Variants in ARFGEF3 observed in about 807,000 individuals in gnomAD.
ARFGEF3 encodes brefeldin A-inhibited guanine nucleotide-exchange protein 3.
Under a neutral mutation model 221.7 loss-of-function variants are expected in ARFGEF3, and 96 were observed. The ratio of observed to expected loss-of-function variants is 0.43; its 90% CI spans 0.37 to 0.51. The LOEUF is 0.51. Ranked by LOEUF, ARFGEF3 falls within the 20% of genes least tolerant of loss-of-function variation. ARFGEF3 has a pLI of 0.00. For missense variants in ARFGEF3, 2,410 were observed against 2,789.9 expected, an observed-to-expected ratio of 0.86 and a Z score of 3.07; for synonymous variants, 1,145 against 1,126.8, an observed-to-expected ratio of 1.02 and a Z score of -0.32.
rs1776622859 is a variant in ARFGEF3, at chr6:138,162,036, C to A, written c.-51C>A. ...CAGCGGCGGCTTCCCCGGCCCGGCT[C>A]GCCCGCGCTTCTCTCCCTGTGGGCG... On this transcript the variant is annotated 5_prime_UTR_variant, in exon 1 of 34. Coordinates refer to ENST00000251691, the MANE Select transcript of ARFGEF3 (RefSeq NM_020340.5). The surrounding 1 kb of genome is among the most constrained non-coding windows in gnomAD (Gnocchi z 4.7). The A allele has an allele frequency of 7.1e-7, 1 of 1,407,010 alleles. No homozygotes were observed. Among genetic ancestry groups the A allele is most frequent in the African/African-American group, 1.5e-5 (1 of 66,750 alleles). The allele number at this position is 1,407,010 out of a possible 1,614,324, so 87.2% of individuals were successfully genotyped here.
intron 5 of ARFGEF3, 22 bp from the exon 6 acceptor site, chr6:138,238,487 T>C (rs1461509294): frequency 1.9e-6 from 3 of 1,609,954 alleles, no homozygotes; most frequent in Non-Finnish European, 2.5e-6. Flanking sequence ...ACATGTGTGT[T>C]GCTGTCTTAT....
At chr6:138,204,856 A>G (rs1401991785) in intron 2 of ARFGEF3, among the ~76,000 whole-genome samples, 2 of 152,168 alleles carry the variant, frequency 1.3e-5, no homozygotes, top group East Asian at 3.9e-4. Context: ...ATATCTTTCA[A>G]CTCAGCCAAA....
chr6:138,164,652 G>A (rs775420468), intron 1 of ARFGEF3, among the ~76,000 whole-genome samples: 3 of 152,114 alleles, frequency 2.0e-5, no homozygotes, highest in Non-Finnish European at 4.4e-5. Flanking sequence ...TATACAAAAC[G>A]GGATTTATTT....
chr6:138,166,857 C>T (rs967400742), intron 1 of ARFGEF3, among the ~76,000 whole-genome samples: 1 of 152,170 alleles, frequency 6.6e-6, no homozygotes, highest in African/African-American at 2.4e-5. Flanking sequence ...ATCCAACCAG[C>T]ACCCTTCTCT....
chr6:138,190,936 G>T (rs960719222), intron 2 of ARFGEF3, among the ~76,000 whole-genome samples: 1 of 152,120 alleles, frequency 6.6e-6, no homozygotes, highest in Non-Finnish European at 1.5e-5. Context: ...GTAGGCTTTT[G>T]TGTCCTATAA....
chr6:138,203,386 G>A (rs1777571184), intron 2 of ARFGEF3, among the ~76,000 whole-genome samples: 1 of 152,188 alleles, frequency 6.6e-6, no homozygotes, highest in Non-Finnish European at 1.5e-5. Context: ...GGGCAAGAAG[G>A]TTGTAGTGAA....
intron 12 of ARFGEF3, among the ~76,000 whole-genome samples, chr6:138,276,572 C>A (rs1053725184): frequency 8.6e-5 from 13 of 151,386 alleles, no homozygotes; most frequent in Admixed American, 8.5e-4. Flanking sequence ...CTCTTTATTT[C>A]CTCATTTATT....
rs1028391111 is a variant in ARFGEF3 at position 138,340,698 on chromosome 6, A to T, written c.*4212A>T. ...GGGGAACACAGACCCAGAGAGGTTA[A>T]GAAATTTGCCCAAGATAACAAGTAA... On this transcript the variant is annotated 3_prime_UTR_variant, in exon 34 of 34. Coordinates refer to ENST00000251691, the MANE Select transcript of ARFGEF3 (RefSeq NM_020340.5). 2 of 152,208 alleles carry T rather than the reference A, an allele frequency of 1.3e-5. No individual in the cohort carries two copies. The highest frequency in any genetic ancestry group is 3.9e-4 in the East Asian group (2 of 5,194). 9.4% of individuals were successfully genotyped at this position (152,208 alleles called of 1,614,324 possible). A position where few individuals can be genotyped will look rare whatever the true frequency, so the allele number is the denominator to read the frequency against.
At position 138,278,604 on chromosome 6, in the gene ARFGEF3, C is replaced by T. The variant is rs758792709; in HGVS notation, c.2282C>T (p.Ala761Val). Residue 761 changes from alanine (A) to valine (V), a missense_variant, in exon 13 of 34, where the codon GCG (alanine) becomes GTG (valine). This residue lies in a region of ARFGEF3 where 594 missense variants were observed against 734.3 expected (regional missense o/e 0.81). Coordinates refer to ENST00000251691, the MANE Select transcript of ARFGEF3 (RefSeq NM_020340.5). ...GDYYRKRPTL[A>V]PGVMKDFMKQ... ...TACTACAGGAAGCGGCCGACCCTGG[C>T]GCCAGGCGTGATGGTGAGTGTGCCG... 8.1e-6 allele frequency: 13 copies of T among 1,613,668 alleles called. No homozygotes were observed. The highest frequency in any genetic ancestry group is 1.3e-5 in the African/African-American group (1 of 74,918).
chr6:138,223,980 G>C (rs1316132814), intron 4 of ARFGEF3, among the ~76,000 whole-genome samples: 1 of 152,142 alleles, frequency 6.6e-6, no homozygotes, highest in South Asian at 2.1e-4. Context: ...GCTGGATGTG[G>C]CCTCTAGCAA....
At chr6:138,314,035 G>A in intron 26 of ARFGEF3, 96 bp downstream of exon 26, 5 of 1,257,644 alleles carry the variant, frequency 4.0e-6, no homozygotes, top group Non-Finnish European at 5.6e-6. Context: ...TCTGGGAATT[G>A]TCTTAGTCCA....
chr6:138,295,537 G>T (rs1392574453), intron 20 of ARFGEF3, among the ~76,000 whole-genome samples: 1 of 151,476 alleles, frequency 6.6e-6, no homozygotes, highest in African/African-American at 2.4e-5. Context: ...GGCTGAGACA[G>T]GAGAATTGCT....
At chr6:138,267,725 T>A (rs1415001778) in intron 12 of ARFGEF3, among the ~76,000 whole-genome samples, 1 of 152,250 alleles carries the variant, frequency 6.6e-6, no homozygotes, top group Non-Finnish European at 1.5e-5. Flanking sequence ...ACAGGGCTTG[T>A]GTGAATTTTT....
chr6:138,313,844 G>A lies in ARFGEF3; in HGVS notation c.4250G>A (p.Gly1417Glu), dbSNP rs757352037. ...KMPLKPIFLS[G>E]RLAGLPRRLQ... is the part of the protein sequence containing the mutation. ...CCCTTGAAGCCAATATTCCTTAGTG[G>A]GAGACTTGCCGGCTTGCCTCGAAGA... is the stretch of plus-strand genomic sequence containing the variant. Residue 1417 changes from glycine to glutamate, a missense_variant, in exon 26 of 34, where the codon GGG becomes GAG. Physicochemically the swap from Gly to Glu is moderately conservative, Grantham distance 98. Coordinates refer to ENST00000251691, the MANE Select transcript of ARFGEF3 (RefSeq NM_020340.5). The A allele has an allele frequency of 6.2e-6, 10 of 1,613,916 alleles. No individual in the cohort carries two copies. The South Asian group carries it at 1.1e-4, about 18-fold the overall frequency.
chr6:138,204,807 G>C (rs1225885600), intron 2 of ARFGEF3, among the ~76,000 whole-genome samples: 1 of 152,220 alleles, frequency 6.6e-6, no homozygotes, highest in Admixed American at 6.5e-5. Context: ...ATTCACGTCT[G>C]TGTGATTCCA....
intron 4 of ARFGEF3, among the ~76,000 whole-genome samples, chr6:138,218,867 T>C (rs545380490): frequency 6.6e-6 from 1 of 152,288 alleles, no homozygotes; most frequent in African/African-American, 2.4e-5. Flanking sequence ...AGCTGTGAGA[T>C]TAAGTCAAAA....
intron 4 of ARFGEF3, among the ~76,000 whole-genome samples, chr6:138,229,025 A>G (rs562987304): frequency 9.8e-5 from 15 of 152,384 alleles, no homozygotes; most frequent in Non-Finnish European, 1.6e-4. Flanking sequence ...CTACAAGTAG[A>G]AAGTGAAGTT....
At position 138,296,847 on chromosome 6, in the gene ARFGEF3, C is replaced by T. The variant is rs749889094; in HGVS notation, c.3540C>T (p.Leu1180=). 2.5e-6 allele frequency: 4 copies of T among 1,614,050 alleles called. No homozygotes were observed. The South Asian group carries it at 4.4e-5, about 18-fold the overall frequency. Residue 1180 remains leucine, a synonymous_variant, in exon 21 of 34, where the codon CTC becomes CTT. Transcript: ENST00000251691. ...CCACTCAAGACCGAAAAAGCGCCCT[C>T]CACCTGTTCCGCCTGGGGAATGCCA... is the stretch of plus-strand genomic sequence containing the variant. ...VKSTQDRKSA[L]HLFRLGNAML...
intron 4 of ARFGEF3, among the ~76,000 whole-genome samples, chr6:138,210,386 C>A (rs926283558): frequency 2.0e-5 from 3 of 151,906 alleles, no homozygotes; most frequent in African/African-American, 7.3e-5. Flanking sequence ...TAAAACAAAG[C>A]AATAATAATA....
Sources: allele counts gnomAD v4.1 joint callset (sites outside exome capture counted in the v4.1 genomes callset), GRCh38; gene constraint gnomAD v4.1.1; regional missense constraint gnomAD v4.1.1; non-coding constraint Gnocchi (gnomAD v3.1); transcripts MANE v1.5; gene names NCBI Gene and HGNC (gene_info 2026-07-23, HGNC 2026-07-21).